Variants in NLK observed in about 807,000 individuals in gnomAD.
NLK encodes nemo like kinase.
In NLK, 11 loss-of-function variants were observed where a neutral mutation model predicts 59.0. The observed-to-expected ratio is 0.19, with a 90% CI of 0.12 to 0.31. NLK has a LOEUF of 0.31. Ranked by LOEUF, NLK falls within the 10% of genes least tolerant of loss-of-function variation. NLK has a pLI of 1.00. For synonymous variants in NLK, 235 were observed against 235.9 expected (o/e 1.00, Z 0.03); for missense variants, 410 against 661.1 (o/e 0.62, Z 4.16).
chr17:28,130,257 G>A (rs9892395), intron 2 of NLK, among the ~76,000 whole-genome samples: 144,353 of 152,216 alleles, frequency 0.95, 68,519 homozygotes, highest in East Asian at 1. Context: ...CTGGAGTTTC[G>A]AACTCTGCCA....
chr17:28,130,195 T>C (rs1906459897), intron 2 of NLK, among the ~76,000 whole-genome samples: 1 of 152,146 alleles, frequency 6.6e-6, no homozygotes, highest in African/African-American at 2.4e-5. Context: ...CAAATAATAG[T>C]GGGGCTTATA....
chr17:28,139,018 G>A (rs1906874730), intron 3 of NLK, among the ~76,000 whole-genome samples: 1 of 152,196 alleles, frequency 6.6e-6, no homozygotes, highest in East Asian at 1.9e-4. Context: ...CACTTGGGGA[G>A]GCCGAGGTGG....
intron 2 of NLK, among the ~76,000 whole-genome samples, chr17:28,129,408 A>G (rs1165646631): frequency 1.3e-5 from 2 of 152,128 alleles, no homozygotes; most frequent in African/African-American, 2.4e-5. Context: ...AGCCAAGGTC[A>G]TGTCACTGCC....
chr17:28,110,908 G>A (rs1215699600), intron 1 of NLK, among the ~76,000 whole-genome samples: 5 of 148,448 alleles, frequency 3.4e-5, no homozygotes, highest in East Asian at 4.0e-4. Context: ...GCAGTGGCGG[G>A]ATCTCGGCTC....
chr17:28,066,275 C>G lies in NLK; in HGVS notation c.458+22944C>G, dbSNP rs889989931. Reference sequence around the variant, plus strand: ...CCAAGGTCCTTGAAAATGTAGTTGTCCATCACTGTCTCTGCCTCTTCATCT... The same window carrying G: ...CCAAGGTCCTTGAAAATGTAGTTGTGCATCACTGTCTCTGCCTCTTCATCT... On this transcript the variant is annotated intron_variant, in intron 1 of 10. Transcript: ENST00000407008. Among the ~76,000 whole-genome samples, 6 of 152,296 alleles carry G rather than the reference C, an allele frequency of 3.9e-5. No individual in the cohort carries two copies. The East Asian group carries it at 1.2e-3, about 29-fold the overall frequency.
At chr17:28,063,023 C>G (rs1467333107) in intron 1 of NLK, among the ~76,000 whole-genome samples, 1 of 152,122 alleles carries the variant, frequency 6.6e-6, no homozygotes, top group Non-Finnish European at 1.5e-5. Context: ...CTCAAGCTGC[C>G]CAGGCTCAGG....
At chr17:28,170,986 T>G (rs1169083007) in intron 6 of NLK, among the ~76,000 whole-genome samples, 1 of 152,244 alleles carries the variant, frequency 6.6e-6, no homozygotes, top group African/African-American at 2.4e-5. Context: ...CCTGTTGTAT[T>G]TTCTCTGTAT....
intron 1 of NLK, among the ~76,000 whole-genome samples, chr17:28,095,424 T>A (rs1326926037): frequency 6.6e-6 from 1 of 151,976 alleles, no homozygotes; most frequent in Non-Finnish European, 1.5e-5. Context: ...TATTACTTTC[T>A]AAAAAAAATT....
At chr17:28,092,905 C>T (rs1007006007) in intron 1 of NLK, among the ~76,000 whole-genome samples, 1 of 151,956 alleles carries the variant, frequency 6.6e-6, no homozygotes, top group East Asian at 1.9e-4. Context: ...AAACAATGCT[C>T]CAGTCTCAGC....
At chr17:28,164,797 G>A (rs1908155495) in intron 5 of NLK, among the ~76,000 whole-genome samples, 1 of 152,024 alleles carries the variant, frequency 6.6e-6, no homozygotes, top group South Asian at 2.1e-4. Flanking sequence ...TTATTACTTA[G>A]GTTGCTGGCG....
intron 1 of NLK, among the ~76,000 whole-genome samples, chr17:28,111,888 GTGTGTGTGGTGTGTGTGTGTGT>G (rs1318835543): frequency 7.4e-5 from 9 of 121,262 alleles, no homozygotes; most frequent in African/African-American, 2.6e-4. Context: ...GTGTGTGTGT[GTGTGTGTGGTGTGTGTGTGTGT>G]GTGTGTGTGT....
chr17:28,077,560 A>G (rs1271789620), intron 1 of NLK, among the ~76,000 whole-genome samples: 2 of 152,150 alleles, frequency 1.3e-5, no homozygotes, highest in African/African-American at 4.8e-5. Context: ...ATTCCTGAGA[A>G]TTAATTGTCT....
intron 3 of NLK, 115 bp from the exon 4 acceptor site, chr17:28,161,044 CT>C: frequency 1.6e-6 from 1 of 628,326 alleles, no homozygotes; most frequent in Non-Finnish European, 2.9e-6. Context: ...TGTCTAGAAG[CT>C]TTCTTTCCCC....
chr17:28,062,044 C>T (rs899950878), intron 1 of NLK: 1 of 150,772 alleles, frequency 6.6e-6, no homozygotes, highest in African/African-American at 2.4e-5. Context: ...GGGTTCCAGA[C>T]CTGGAGGTGC....
chr17:28,155,876 C>A (rs1193582143), intron 3 of NLK, among the ~76,000 whole-genome samples: 1 of 152,046 alleles, frequency 6.6e-6, no homozygotes, highest in Non-Finnish European at 1.5e-5. Flanking sequence ...TCATGTATAC[C>A]TATGTAACCT....
At position 28,043,169 on chromosome 17, in the gene NLK, C is replaced by T. The variant is rs745425908; in HGVS notation, c.296C>T (p.Pro99Leu). ...CAGCCATATTTCCCATCACCGGCAC[C>T]GGGGCAGGCTCCTGGACCAGCTGCA... The part of the protein sequence containing the change: ...QQQPYFPSPA[P>L]GQAPGPAAAA... The change falls in exon 1 of 11, where the codon CCG becomes CTG. Residue 99 changes from proline to leucine, a missense_variant. Physicochemically the swap from Pro to Leu is moderately conservative, Grantham distance 98. This residue lies in a region of NLK where 160 missense variants were observed against 171.0 expected (regional missense o/e 0.94). Transcript: ENST00000407008. 3.1e-6 allele frequency: 5 copies of T among 1,613,804 alleles called. No individual in the cohort carries two copies. Among genetic ancestry groups the T allele is most frequent in the South Asian group, 2.2e-5 (2 of 91,076 alleles).
intron 6 of NLK, among the ~76,000 whole-genome samples, chr17:28,172,280 C>T: frequency 6.7e-6 from 1 of 149,116 alleles, no homozygotes; most frequent in South Asian, 2.1e-4. Flanking sequence ...AATTCCTTTA[C>T]ATGAGGAATT....
At chr17:28,044,332 C>T (rs1398029837) in intron 1 of NLK, among the ~76,000 whole-genome samples, 3 of 152,276 alleles carry the variant, frequency 2.0e-5, no homozygotes, top group East Asian at 3.9e-4. Flanking sequence ...GCGCCCATTA[C>T]CACAGGAAAA....
chr17:28,122,907 A>G (rs772159189), intron 2 of NLK, among the ~76,000 whole-genome samples, 175 bp downstream of exon 2: 5 of 152,194 alleles, frequency 3.3e-5, no homozygotes, highest in Non-Finnish European at 7.4e-5. Context: ...GAGAATACCT[A>G]TTGATAGGCT....
Sources: allele counts gnomAD v4.1 joint callset (sites outside exome capture counted in the v4.1 genomes callset), GRCh38; gene constraint gnomAD v4.1.1; regional missense constraint gnomAD v4.1.1; transcripts MANE v1.5; gene names NCBI Gene and HGNC (gene_info 2026-07-23, HGNC 2026-07-21).